ADARB2: variants seen among roughly 807,000 people sequenced by gnomAD.
ADARB2 encodes the protein inactive double-stranded RNA-specific editase B2.
A neutral mutation model predicts 62.2 loss-of-function variants in ADARB2; 25 were observed. The ratio of observed to expected loss-of-function variants is 0.40; its 90% CI spans 0.29 to 0.56. ADARB2 has a LOEUF of 0.56. Among genes scored for constraint, ADARB2 ranks in the 20% least tolerant of loss-of-function variants. The probability of loss-of-function intolerance (pLI) is 0.43; values close to 1 mark genes in which losing one functional copy is unlikely to be tolerated. For missense variants in ADARB2, 1,071 were observed against 1,077.4 expected, an observed-to-expected ratio of 0.99 and a Z score of 0.08; for synonymous variants, 572 against 500.8, an observed-to-expected ratio of 1.14 and a Z score of -1.90.
chr10:1,644,959 C>G (rs1055665509), intron 1 of ADARB2, among the ~76,000 whole-genome samples: 2 of 152,290 alleles, frequency 1.3e-5, no homozygotes, highest in South Asian at 4.1e-4. Flanking sequence ...CCTATACAAA[C>G]ACACAAAAAA....
At chr10:1,194,825 A>G (rs556223317) in intron 8 of ADARB2, among the ~76,000 whole-genome samples, 1 of 152,102 alleles carries the variant, frequency 6.6e-6, no homozygotes. Flanking sequence ...GCGTGGTCAT[A>G]TTAGGGTCTG....
intron 1 of ADARB2, among the ~76,000 whole-genome samples, chr10:1,693,112 A>T (rs1834694370): frequency 6.6e-6 from 1 of 152,196 alleles, no homozygotes; most frequent in Admixed American, 6.5e-5. Flanking sequence ...CAACTCCCTC[A>T]GGTGTTTCTA....
intron 1 of ADARB2, among the ~76,000 whole-genome samples, chr10:1,534,175 C>A (rs748153490): frequency 7.0e-6 from 1 of 143,534 alleles, no homozygotes; most frequent in Non-Finnish European, 1.5e-5. Context: ...TTCACTTTGT[C>A]GCCCAGGCTG....
At chr10:1,485,435 A>G (rs1466552008) in intron 1 of ADARB2, among the ~76,000 whole-genome samples, 1 of 152,094 alleles carries the variant, frequency 6.6e-6, no homozygotes, top group African/African-American at 2.4e-5. Context: ...GCAGACATGT[A>G]GACATGTACC....
intron 1 of ADARB2, among the ~76,000 whole-genome samples, chr10:1,605,092 T>C (rs1008737229): frequency 6.6e-6 from 1 of 152,260 alleles, no homozygotes; most frequent in African/African-American, 2.4e-5. Flanking sequence ...GTAGGGATGA[T>C]GGAAATGTCA....
At chr10:1,326,253 C>G (rs1055019508) in intron 3 of ADARB2, among the ~76,000 whole-genome samples, 3 of 152,192 alleles carry the variant, frequency 2.0e-5, no homozygotes, top group Non-Finnish European at 4.4e-5. Context: ...CCGATTTTAA[C>G]TCACTAATTA....
At chr10:1,638,557 A>T (rs1489466819) in intron 1 of ADARB2, among the ~76,000 whole-genome samples, 1 of 151,770 alleles carries the variant, frequency 6.6e-6, no homozygotes. Context: ...ATTTCAGGTG[A>T]ACCTTTATTG....
At chr10:1,486,820 C>T (rs747780877) in intron 1 of ADARB2, among the ~76,000 whole-genome samples, 15 of 152,190 alleles carry the variant, frequency 9.9e-5, no homozygotes, top group Middle Eastern at 3.4e-3. Flanking sequence ...CCAGAAATCT[C>T]GATTTACTGG....
intron 1 of ADARB2, among the ~76,000 whole-genome samples, chr10:1,551,389 T>G (rs565695368): frequency 2.2e-4 from 34 of 152,312 alleles, no homozygotes; most frequent in African/African-American, 7.9e-4. Context: ...GAAAACCTGT[T>G]GTCCGGGCTG....
chr10:1,602,167 A>C (rs1259746123), intron 1 of ADARB2, among the ~76,000 whole-genome samples: 1 of 152,124 alleles, frequency 6.6e-6, no homozygotes, highest in Non-Finnish European at 1.5e-5. Context: ...CTGACTCCAC[A>C]CGGGGGACTG....
chr10:1,568,628 A>G (rs572042225), intron 1 of ADARB2, among the ~76,000 whole-genome samples: 2 of 152,142 alleles, frequency 1.3e-5, no homozygotes, highest in African/African-American at 4.8e-5. Flanking sequence ...GGAAGGAAGG[A>G]AAGAAAGCTG....
At chr10:1,670,393 C>T (rs952637100) in intron 1 of ADARB2, among the ~76,000 whole-genome samples, 1 of 152,190 alleles carries the variant, frequency 6.6e-6, no homozygotes. Context: ...ACTTAGGGCA[C>T]ATTATTTCAA....
chr10:1,223,477 G>C (rs557609033), intron 6 of ADARB2, among the ~76,000 whole-genome samples: 108 of 152,264 alleles, frequency 7.1e-4, no homozygotes, highest in African/African-American at 2.5e-3. Flanking sequence ...GTGAGAGAGG[G>C]CATCCCTCTC....
At chr10:1,486,135 C>T (rs761593804) in intron 1 of ADARB2, among the ~76,000 whole-genome samples, 1 of 152,044 alleles carries the variant, frequency 6.6e-6, no homozygotes, top group African/African-American at 2.4e-5. Flanking sequence ...CCAATTATCT[C>T]AAGCTCTACT....
At chr10:1,381,550 C>T (rs369275123) in intron 1 of ADARB2, among the ~76,000 whole-genome samples, 75 of 152,178 alleles carry the variant, frequency 4.9e-4, no homozygotes, top group African/African-American at 6.5e-4. Flanking sequence ...CTCATATCCT[C>T]GGCAGCATCG....
intron 1 of ADARB2, chr10:1,526,967 G>T (rs1023006320): frequency 5.9e-6 from 2 of 338,242 alleles, no homozygotes; most frequent in East Asian, 1.7e-4. Context: ...GTGAAATAGA[G>T]AAAATAACTT....
chr10:1,299,676 G>A (rs1449280694), intron 3 of ADARB2, among the ~76,000 whole-genome samples: 3 of 152,180 alleles, frequency 2.0e-5, no homozygotes, highest in Non-Finnish European at 2.9e-5. Context: ...TCTGTAGGAC[G>A]TGGAGCTAAG....
intron 1 of ADARB2, among the ~76,000 whole-genome samples, chr10:1,483,281 A>G (rs1375395163): frequency 2.0e-5 from 3 of 152,216 alleles, no homozygotes; most frequent in African/African-American, 7.2e-5. Context: ...TTCTGTTTCA[A>G]ACAAAGTAGT....
At chr10:1,690,762 G>A (rs1267353396) in intron 1 of ADARB2, among the ~76,000 whole-genome samples, 3 of 152,128 alleles carry the variant, frequency 2.0e-5, no homozygotes, top group Non-Finnish European at 4.4e-5. Flanking sequence ...ATCCCTCTGG[G>A]CCGGCCCTTC....
Sources: allele counts gnomAD v4.1 joint callset (sites outside exome capture counted in the v4.1 genomes callset), GRCh38; gene constraint gnomAD v4.1.1; transcripts MANE v1.5; gene names NCBI Gene and HGNC (gene_info 2026-07-23, HGNC 2026-07-21).